Variants in CTNNA2 observed in about 807,000 individuals in gnomAD.
CTNNA2 encodes the protein catenin alpha 2, also known as catenin alpha-2.
A neutral mutation model predicts 101.0 loss-of-function variants in CTNNA2; 42 were observed. The observed-to-expected ratio is 0.42, with a 90% CI of 0.32 to 0.54. The LOEUF is 0.54. CTNNA2 is among the 20% of genes least tolerant of loss of function. The pLI, the probability that CTNNA2 is intolerant of heterozygous loss-of-function variation, is 0.14. For synonymous variants in CTNNA2, 450 were observed against 456.4 expected (o/e 0.99, Z 0.18); for missense variants, 871 against 1,223.1 (o/e 0.71, Z 4.29).
At chr2:79,939,357 C>T (rs1169154963) in intron 7 of CTNNA2, among the ~76,000 whole-genome samples, 1 of 152,118 alleles carries the variant, frequency 6.6e-6, no homozygotes, top group Non-Finnish European at 1.5e-5. Flanking sequence ...TCCATTACCG[C>T]AGTATTTACC....
chr2:79,630,745 C>A (rs1169570721), intron 1 of CTNNA2, among the ~76,000 whole-genome samples: 2 of 152,164 alleles, frequency 1.3e-5, no homozygotes, highest in East Asian at 3.9e-4. Flanking sequence ...GACATTAGAA[C>A]CTTGATTGCG....
At chr2:80,017,649 T>A (rs1694252728) in intron 7 of CTNNA2, among the ~76,000 whole-genome samples, 1 of 152,052 alleles carries the variant, frequency 6.6e-6, no homozygotes, top group African/African-American at 2.4e-5. Flanking sequence ...CTTCCCAGGG[T>A]TCTAATGTGC....
At position 79,552,182 on chromosome 2, in the gene CTNNA2, A is replaced by T. The variant is rs539545882; in HGVS notation, c.-6+38975A>T. Among the ~76,000 whole-genome samples the T allele has an allele frequency of 9.2e-5, 14 of 152,308 alleles. No homozygotes were observed. The South Asian group carries it at 2.5e-3, about 27-fold the overall frequency. ...CAATGTGGGTACAGGCATTGGCTAA[A>T]TACTCCCATTCCAAAAGGGAAAAAT... On this transcript the variant is annotated intron_variant, in intron 1 of 18. Coordinates refer to ENST00000402739, the MANE Select transcript of CTNNA2 (RefSeq NM_001282597.3).
intron 7 of CTNNA2, among the ~76,000 whole-genome samples, chr2:80,386,347 T>G (rs573447016): frequency 7.2e-5 from 11 of 152,336 alleles, no homozygotes; most frequent in African/African-American, 2.6e-4. Context: ...ACTGCCTGTT[T>G]CTTTTCCAAG....
intron 7 of CTNNA2, among the ~76,000 whole-genome samples, chr2:80,013,257 G>A (rs1422498556): frequency 1.3e-5 from 2 of 152,074 alleles, no homozygotes; most frequent in South Asian, 2.1e-4. Context: ...TACACATTTC[G>A]ATCCAGATTT....
chr2:80,299,175 G>C (rs1676026617), intron 7 of CTNNA2: 1 of 151,818 alleles, frequency 6.6e-6, no homozygotes, highest in South Asian at 2.1e-4. Flanking sequence ...CACCCTCTGT[G>C]GGAAGAATAA....
At chr2:79,727,832 G>T (rs867074353) in intron 2 of CTNNA2, among the ~76,000 whole-genome samples, 20 of 149,182 alleles carry the variant, frequency 1.3e-4, no homozygotes, top group Admixed American at 8.8e-4. Flanking sequence ...GCAGTGTTTG[G>T]TTTTTTGTTC....
intron 1 of CTNNA2, among the ~76,000 whole-genome samples, chr2:79,548,282 T>C (rs913664873): frequency 1.4e-4 from 22 of 152,230 alleles, no homozygotes; most frequent in Non-Finnish European, 1.2e-4. Flanking sequence ...ATTTATCACT[T>C]TCACAGACTC....
chr2:79,676,283 A>C (rs2104613151), intron 2 of CTNNA2, among the ~76,000 whole-genome samples: 1 of 152,354 alleles, frequency 6.6e-6, no homozygotes, highest in African/African-American at 2.4e-5. Flanking sequence ...TGGATTGAAG[A>C]AGGCCTTCTG....
At chr2:79,784,912 G>T (rs7575453) in intron 3 of CTNNA2, among the ~76,000 whole-genome samples, 26,481 of 152,012 alleles carry the variant, frequency 0.17, 4,426 homozygotes, top group African/African-American at 0.42. Flanking sequence ...CAGGTTGCCC[G>T]TGAAGCTTAG....
intron 7 of CTNNA2, among the ~76,000 whole-genome samples, chr2:80,238,717 T>G (rs546321406): frequency 1.1e-4 from 16 of 152,050 alleles, no homozygotes; most frequent in African/African-American, 3.9e-4. Flanking sequence ...GAAAGAGAAA[T>G]AGAGGGATGG....
At chr2:79,552,814 G>T (rs1674197469) in intron 1 of CTNNA2, among the ~76,000 whole-genome samples, 1 of 152,164 alleles carries the variant, frequency 6.6e-6, no homozygotes, top group African/African-American at 2.4e-5. Flanking sequence ...ATTTTTTGAG[G>T]CTGCGTAGAG....
intron 7 of CTNNA2, among the ~76,000 whole-genome samples, chr2:80,098,624 C>G (rs940946333): frequency 2.0e-5 from 3 of 152,238 alleles, no homozygotes; most frequent in African/African-American, 7.2e-5. Context: ...CAGAGGCAGG[C>G]AGGCCTCCCC....
intron 4 of CTNNA2, among the ~76,000 whole-genome samples, chr2:79,391,800 G>T (rs901578195): frequency 1.4e-4 from 22 of 152,268 alleles, no homozygotes; most frequent in African/African-American, 5.3e-4. Context: ...AATACCACAT[G>T]ATGGGGTAGT....
intron 2 of CTNNA2, among the ~76,000 whole-genome samples, chr2:79,216,308 A>G (rs1419551899): frequency 7.3e-6 from 1 of 137,210 alleles, no homozygotes; most frequent in Non-Finnish European, 1.6e-5. Flanking sequence ...GGTTGCCCAT[A>G]ATGAAGGAGG....
At chr2:80,262,214 T>G (rs552997709) in intron 7 of CTNNA2, among the ~76,000 whole-genome samples, 3 of 152,310 alleles carry the variant, frequency 2.0e-5, no homozygotes, top group African/African-American at 7.2e-5. Flanking sequence ...TACATCTATA[T>G]AGCTGGAGAT....
At chr2:79,982,277 A>AT (rs1553421011) in intron 7 of CTNNA2, among the ~76,000 whole-genome samples, 5 of 133,588 alleles carry the variant, frequency 3.7e-5, no homozygotes, top group African/African-American at 6.3e-5. Context: ...ACATATATAT[A>AT]ATATATATAA....
chr2:79,218,501 G>C (rs1268982562), intron 2 of CTNNA2, among the ~76,000 whole-genome samples: 1 of 152,048 alleles, frequency 6.6e-6, no homozygotes, highest in African/African-American at 2.4e-5. Context: ...TTCTGTAAGT[G>C]TCAGTGAAAA....
chr2:80,014,443 C>G (rs1449255990), intron 7 of CTNNA2, among the ~76,000 whole-genome samples: 1 of 150,578 alleles, frequency 6.6e-6, no homozygotes, highest in Non-Finnish European at 1.5e-5. Flanking sequence ...CATATATTTT[C>G]TATAATAAAG....
Sources: gnomAD v4.1 joint callset for allele counts (sites outside exome capture counted in the v4.1 genomes callset) on GRCh38, gnomAD v4.1.1 for gene constraint, MANE v1.5 for transcripts, NCBI Gene and HGNC (gene_info 2026-07-23, HGNC 2026-07-21) for gene names.